The following GALNT2 variants were observed in gnomAD, a reference collection of about 807,000 sequenced individuals.
The protein encoded by GALNT2 is UDP-GalNAc:polypeptide N-acetylgalactosaminyltransferase 2.
In GALNT2, 31 loss-of-function variants were observed where a neutral mutation model predicts 81.4. The ratio of observed to expected loss-of-function variants is 0.38; its 90% CI spans 0.29 to 0.51. GALNT2 has a LOEUF of 0.51. Among genes scored for constraint, GALNT2 ranks in the 20% least tolerant of loss-of-function variants. The pLI, the probability that GALNT2 is intolerant of heterozygous loss-of-function variation, is 0.87. For missense variants in GALNT2, 629 were observed against 765.7 expected, an observed-to-expected ratio of 0.82 and a Z score of 2.11; for synonymous variants, 303 against 287.4, an observed-to-expected ratio of 1.05 and a Z score of -0.55.
chr1:230,140,354 T>TCCTACC (rs1460599594), intron 1 of GALNT2, among the ~76,000 whole-genome samples: 1 of 152,162 alleles, frequency 6.6e-6, no homozygotes, highest in Non-Finnish European at 1.5e-5. Context: ...GGAGTTGGAT[T>TCCTACC]CCTACCCCTG....
At chr1:230,110,714 G>GTTTTTTTTT (rs113630188) in intron 1 of GALNT2, among the ~76,000 whole-genome samples, 3 of 137,658 alleles carry the variant, frequency 2.2e-5, no homozygotes, top group Non-Finnish European at 3.1e-5. Context: ...GTGCTTTTCT[G>GTTTTTTTTT]TTTTTTTTTT....
rs545754793 is a variant in GALNT2, at chr1:230,098,456, C to T, written c.126+31050C>T. Among the ~76,000 whole-genome samples the T allele has an allele frequency of 8.6e-5, 13 of 151,824 alleles. No homozygotes were observed. In the South Asian group the frequency reaches 2.3e-3, roughly 27 times the overall value. ...GGTCTATGCAAACTACCCCAAAGTC[C>T]GAGGAAGCTGAGAGGCTGAAGGAAG... is the stretch of plus-strand genomic sequence containing the variant. On this transcript the variant is annotated intron_variant, in intron 1 of 15. Transcript: ENST00000366672.
chr1:230,106,179 T>C (rs187061540), intron 1 of GALNT2, among the ~76,000 whole-genome samples: 106 of 152,350 alleles, frequency 7.0e-4, no homozygotes, highest in Admixed American at 3.7e-3. Flanking sequence ...TTCGGAGTGA[T>C]AGCAAAGTTT....
At chr1:230,226,306 C>T (rs1003175653) in intron 3 of GALNT2, among the ~76,000 whole-genome samples, 5 of 152,310 alleles carry the variant, frequency 3.3e-5, no homozygotes, top group Admixed American at 2.0e-4. Flanking sequence ...AGGCATTCAC[C>T]GCCTCTATTG....
intron 1 of GALNT2, among the ~76,000 whole-genome samples, chr1:230,113,989 C>T (rs1002621562): frequency 1.3e-5 from 2 of 152,100 alleles, no homozygotes; most frequent in Non-Finnish European, 2.9e-5. Flanking sequence ...ACTTCATCTC[C>T]GTGAAGTGCT....
chr1:230,209,189 GTC>G (rs1048804315), intron 3 of GALNT2, among the ~76,000 whole-genome samples: 7 of 152,140 alleles, frequency 4.6e-5, no homozygotes, highest in African/African-American at 1.7e-4. Flanking sequence ...CCCACAGGAA[GTC>G]TCTGTCCCTC....
intron 1 of GALNT2, among the ~76,000 whole-genome samples, chr1:230,076,354 T>C (rs1223318398): frequency 6.6e-6 from 1 of 152,246 alleles, no homozygotes; most frequent in African/African-American, 2.4e-5. Context: ...TTTCTGCACA[T>C]ATTGCTGTTT....
chr1:230,277,253 C>T (rs1412031057), intron 15 of GALNT2, among the ~76,000 whole-genome samples: 2 of 152,134 alleles, frequency 1.3e-5, no homozygotes, highest in Admixed American at 6.5e-5. Context: ...TGAAAATCTG[C>T]GCTCCCCACC....
chr1:230,117,236 C>A (rs1358090303), intron 1 of GALNT2, among the ~76,000 whole-genome samples: 1 of 152,214 alleles, frequency 6.6e-6, no homozygotes. Context: ...AGAGTAAGGG[C>A]CTTGCTCTGG....
intron 2 of GALNT2, among the ~76,000 whole-genome samples, chr1:230,178,760 A>G (rs1040187229): frequency 4.6e-5 from 7 of 151,916 alleles, no homozygotes; most frequent in East Asian, 1.9e-4. Flanking sequence ...ATGAACCTGC[A>G]TTGACACGTC....
intron 1 of GALNT2, among the ~76,000 whole-genome samples, chr1:230,151,001 G>A (rs1662078621): frequency 6.6e-6 from 1 of 152,210 alleles, no homozygotes; most frequent in African/African-American, 2.4e-5. Context: ...CGGCATGCAG[G>A]TGTCTGTAAC....
intron 2 of GALNT2, among the ~76,000 whole-genome samples, chr1:230,187,207 A>G (rs1296481599): frequency 1.3e-5 from 2 of 152,256 alleles, no homozygotes; most frequent in Admixed American, 1.3e-4. Flanking sequence ...CCAGGCCAAC[A>G]GTCTCCAATT....
At chr1:230,179,252 A>G (rs1298548033) in intron 2 of GALNT2, among the ~76,000 whole-genome samples, 1 of 152,152 alleles carries the variant, frequency 6.6e-6, no homozygotes, top group Non-Finnish European at 1.5e-5. Flanking sequence ...GATTAAAGCT[A>G]CTATAAATAT....
intron 1 of GALNT2, among the ~76,000 whole-genome samples, chr1:230,173,106 A>G (rs1196478610): frequency 6.6e-6 from 1 of 152,248 alleles, no homozygotes; most frequent in Non-Finnish European, 1.5e-5. Context: ...TCTAATAACA[A>G]TAATCACTAC....
chr1:230,186,643 C>T (rs1663346137), intron 2 of GALNT2, among the ~76,000 whole-genome samples: 1 of 152,226 alleles, frequency 6.6e-6, no homozygotes, highest in Admixed American at 6.5e-5. Flanking sequence ...ATCTTCAGGT[C>T]ATAGGCTGGA....
intron 1 of GALNT2, among the ~76,000 whole-genome samples, chr1:230,156,026 G>T (rs1339891279): frequency 6.6e-6 from 1 of 152,112 alleles, no homozygotes; most frequent in Non-Finnish European, 1.5e-5. Flanking sequence ...TGGTCATGGG[G>T]CTCAGTCTGT....
At chr1:230,118,204 T>A (rs1660904749) in intron 1 of GALNT2, among the ~76,000 whole-genome samples, 1 of 152,244 alleles carries the variant, frequency 6.6e-6, no homozygotes, top group African/African-American at 2.4e-5. Flanking sequence ...ACTGTTCCGT[T>A]GTCTGGATAT....
At chr1:230,202,563 C>G (rs1321129242) in intron 2 of GALNT2, among the ~76,000 whole-genome samples, 3 of 152,216 alleles carry the variant, frequency 2.0e-5, no homozygotes, top group Non-Finnish European at 2.9e-5. Context: ...GAGGACACCT[C>G]TGAGAGCCAC....
intron 14 of GALNT2, among the ~76,000 whole-genome samples, chr1:230,269,289 C>A (rs548757266): frequency 6.6e-6 from 1 of 151,424 alleles, no homozygotes; most frequent in Non-Finnish European, 1.5e-5. Context: ...AGGTTCAAGC[C>A]ATTCTCCTGC....
Sources: gnomAD v4.1 joint callset for allele counts (sites outside exome capture counted in the v4.1 genomes callset) on GRCh38, gnomAD v4.1.1 for gene constraint, MANE v1.5 for transcripts, NCBI Gene and HGNC (gene_info 2026-07-23, HGNC 2026-07-21) for gene names.